THSD7B: variants seen among roughly 807,000 people sequenced by gnomAD.
THSD7B encodes the protein thrombospondin type 1 domain containing 7B.
In THSD7B, 138 loss-of-function variants were observed where a neutral mutation model predicts 213.6. The observed-to-expected ratio is 0.65, with a 90% CI of 0.56 to 0.74. The LOEUF (loss-of-function observed/expected upper bound fraction) is 0.74. THSD7B is among the 30% of genes least tolerant of loss of function. The pLI is 0.00. For missense variants in THSD7B, 1,931 were observed against 1,991.5 expected (o/e 0.97, Z 0.58); for synonymous variants, 742 against 687.0 (o/e 1.08, Z -1.25).
At chr2:137,181,851 G>A (rs954549323) in intron 7 of THSD7B, among the ~76,000 whole-genome samples, 1 of 151,992 alleles carries the variant, frequency 6.6e-6, no homozygotes, top group Non-Finnish European at 1.5e-5. Context: ...GAAAACCACA[G>A]GCAAGGAGAT....
At chr2:137,350,384 G>A (rs1275087146) in intron 12 of THSD7B, among the ~76,000 whole-genome samples, 1 of 151,776 alleles carries the variant, frequency 6.6e-6, no homozygotes, top group Non-Finnish European at 1.5e-5. Flanking sequence ...GTAAATCCGT[G>A]TGTAAGGAAG....
At chr2:137,010,669 A>G (rs574174562) in intron 2 of THSD7B, among the ~76,000 whole-genome samples, 1 of 152,322 alleles carries the variant, frequency 6.6e-6, no homozygotes, top group South Asian at 2.1e-4. Context: ...TACACTATAC[A>G]AATGTGATCA....
chr2:137,321,297 G>T (rs1043335109), intron 12 of THSD7B, among the ~76,000 whole-genome samples: 3 of 152,078 alleles, frequency 2.0e-5, no homozygotes, highest in Non-Finnish European at 4.4e-5. Context: ...GAATACCCTA[G>T]ACCTAAAAAG....
chr2:137,190,243 T>C (rs1353107933), intron 7 of THSD7B, among the ~76,000 whole-genome samples: 1 of 152,212 alleles, frequency 6.6e-6, no homozygotes, highest in Non-Finnish European at 1.5e-5. Context: ...AAATGAAGAC[T>C]ACATGAGACA....
At chr2:137,206,856 A>G (rs966555510) in intron 7 of THSD7B, among the ~76,000 whole-genome samples, 1 of 152,082 alleles carries the variant, frequency 6.6e-6, no homozygotes, top group Non-Finnish European at 1.5e-5. Context: ...TCATGGTTGG[A>G]GCTGTGAATA....
At chr2:137,212,619 G>A (rs998288310) in intron 7 of THSD7B, among the ~76,000 whole-genome samples, 4 of 151,770 alleles carry the variant, frequency 2.6e-5, no homozygotes, top group Admixed American at 2.0e-4. Context: ...CTAAATGCTC[G>A]AAGGTAGGCC....
intron 10 of THSD7B, among the ~76,000 whole-genome samples, chr2:137,251,671 G>T (rs1451654549): frequency 6.6e-6 from 1 of 152,132 alleles, no homozygotes; most frequent in Non-Finnish European, 1.5e-5. Flanking sequence ...TAAAGTAATT[G>T]AACAGGTTTC....
intron 4 of THSD7B, among the ~76,000 whole-genome samples, chr2:137,109,321 T>C (rs903927848): frequency 2.0e-5 from 3 of 152,210 alleles, no homozygotes; most frequent in African/African-American, 7.2e-5. Flanking sequence ...ATCTATCCTC[T>C]GGCCCAGTGT....
intron 2 of THSD7B, among the ~76,000 whole-genome samples, chr2:136,975,822 A>G (rs1044729080): frequency 4.6e-5 from 7 of 152,136 alleles, no homozygotes; most frequent in Admixed American, 1.3e-4. Context: ...CCATGAGCAT[A>G]AAATGCTTTT....
chr2:136,925,113 A>G (rs1312717536), intron 2 of THSD7B, among the ~76,000 whole-genome samples: 1 of 152,176 alleles, frequency 6.6e-6, no homozygotes, highest in Non-Finnish European at 1.5e-5. Flanking sequence ...CAATGAGGTC[A>G]TCTACAAGCA....
intron 5 of THSD7B, among the ~76,000 whole-genome samples, chr2:137,128,654 G>A (rs1360435855): frequency 6.6e-6 from 1 of 152,176 alleles, no homozygotes; most frequent in Non-Finnish European, 1.5e-5. Flanking sequence ...GTCAGTTGCA[G>A]GCCTAGGGCC....
At chr2:137,357,366 GT>G (rs963539269) in intron 12 of THSD7B, among the ~76,000 whole-genome samples, 1 of 152,008 alleles carries the variant, frequency 6.6e-6, no homozygotes, top group African/African-American at 2.4e-5. Flanking sequence ...TCCATTTGTT[GT>G]TTTTTAATTT....
chr2:136,858,416 A>C (rs1408372638), intron 1 of THSD7B, among the ~76,000 whole-genome samples: 2 of 152,202 alleles, frequency 1.3e-5, no homozygotes, highest in Non-Finnish European at 2.9e-5. Context: ...TTGTCTATTC[A>C]TGCCACACAA....
At chr2:137,419,891 G>A (rs1490733313) in intron 14 of THSD7B, among the ~76,000 whole-genome samples, 2 of 151,890 alleles carry the variant, frequency 1.3e-5, no homozygotes, top group Non-Finnish European at 2.9e-5. Flanking sequence ...TCCATATTTT[G>A]GCTATTGAAA....
At chr2:137,382,569 G>A (rs1685801461) in intron 12 of THSD7B, among the ~76,000 whole-genome samples, 1 of 152,220 alleles carries the variant, frequency 6.6e-6, no homozygotes, top group South Asian at 2.1e-4. Flanking sequence ...CACCCTTCAG[G>A]CTTGTGAGAG....
chr2:137,459,721 T>C (rs955017850), intron 15 of THSD7B, among the ~76,000 whole-genome samples: 23 of 151,924 alleles, frequency 1.5e-4, no homozygotes, highest in Admixed American at 1.5e-3. Context: ...GGAACCTATC[T>C]AGGTCTTTTG....
intron 21 of THSD7B, among the ~76,000 whole-genome samples, chr2:137,646,058 G>A (rs1683025650): frequency 6.6e-6 from 1 of 152,130 alleles, no homozygotes; most frequent in Non-Finnish European, 1.5e-5. Context: ...TTCATAACAG[G>A]CATAGAAATT....
At chr2:137,232,102 C>A (rs1262812956) in intron 8 of THSD7B, among the ~76,000 whole-genome samples, 1 of 152,086 alleles carries the variant, frequency 6.6e-6, no homozygotes, top group East Asian at 1.9e-4. Context: ...AATAACAAAA[C>A]CAAGGTCACA....
chr2:137,574,861 TA>T (rs1476081800), intron 17 of THSD7B, among the ~76,000 whole-genome samples: 1 of 152,182 alleles, frequency 6.6e-6, no homozygotes, highest in Admixed American at 6.6e-5. Flanking sequence ...ATTGTGCCTG[TA>T]ATTTAATTAG....
Sources: gnomAD v4.1 joint callset for allele counts (sites outside exome capture counted in the v4.1 genomes callset) on GRCh38, gnomAD v4.1.1 for gene constraint, MANE v1.5 for transcripts, NCBI Gene and HGNC (gene_info 2026-07-23, HGNC 2026-07-21) for gene names.